The following ZNF638 variants were observed in gnomAD, a reference collection of about 807,000 sequenced individuals.
ZNF638 encodes the protein CTCL tumor antigen se33-1.
Under a neutral mutation model 195.6 loss-of-function variants are expected in ZNF638, and 46 were observed. That is an observed-to-expected ratio of 0.24 (90% confidence interval 0.19 to 0.30). ZNF638 has a LOEUF of 0.30. Ranked by LOEUF, ZNF638 falls within the 10% of genes least tolerant of loss-of-function variation. The pLI is 1.00. For missense variants in ZNF638, 2,440 were observed against 2,325.3 expected (o/e 1.05, Z -1.01); for synonymous variants, 845 against 772.0 (o/e 1.09, Z -1.57).
chr2:71,366,437 T>G (rs926899683), intron 6 of ZNF638, among the ~76,000 whole-genome samples: 7 of 152,252 alleles, frequency 4.6e-5, no homozygotes, highest in African/African-American at 1.7e-4. Flanking sequence ...TGAGTTTTGT[T>G]ACATGATTTT....
At chr2:71,379,026 A>G (rs1243198623) in intron 8 of ZNF638, among the ~76,000 whole-genome samples, 1 of 152,094 alleles carries the variant, frequency 6.6e-6, no homozygotes, top group Non-Finnish European at 1.5e-5. Flanking sequence ...AGAGGTTTTG[A>G]GTTGTGGAAC....
At position 71,354,944 on chromosome 2, in the gene ZNF638, G is replaced by C. The variant is rs375269879; in HGVS notation, c.1318-775G>C. 4.0e-5 allele frequency among the ~76,000 whole-genome samples: 6 copies of C among 151,892 alleles called. No homozygotes were observed. In the South Asian group the frequency reaches 8.3e-4, roughly 21 times the overall value. On this transcript the variant is annotated intron_variant, in intron 2 of 27. Coordinates refer to ENST00000264447, the MANE Select transcript of ZNF638 (RefSeq NM_014497.5). ...GTATGGAATGGTACTGGTCTATCAG[G>C]TAGCATTTTTATTTTATTTTTATTT...
At chr2:71,367,662 A>T (rs1007877006) in intron 6 of ZNF638, among the ~76,000 whole-genome samples, 6 of 151,370 alleles carry the variant, frequency 4.0e-5, no homozygotes, top group Admixed American at 1.3e-4. Flanking sequence ...GCTGGTCTCG[A>T]ACACCTGACC....
chr2:71,332,777 A>G (rs369232289), intron 1 of ZNF638: 1 of 152,338 alleles, frequency 6.6e-6, no homozygotes, highest in African/African-American at 2.4e-5. Flanking sequence ...ATTGAGCTAT[A>G]GAGTGAAGGC....
intron 10 of ZNF638, among the ~76,000 whole-genome samples, chr2:71,391,705 T>C (rs2079781892): frequency 6.6e-6 from 1 of 152,180 alleles, no homozygotes; most frequent in Non-Finnish European, 1.5e-5. Context: ...TTATCAAAAA[T>C]TACTGGGTGA....
chr2:71,434,804 G>GTGAT lies in ZNF638; in HGVS notation c.5937_*3dup. On this transcript the variant is annotated frameshift_variant and stop_retained_variant, in exon 28 of 28. Transcript: ENST00000264447. LOFTEE classifies it high-confidence loss of function. ...ATGAGGCTGAAGAAAGAAGCTCTAG[G>GTGAT]TGATTGGGGGAAAGGAAAGAATTCA... 6.2e-7 allele frequency: 1 copy of GTGAT among 1,602,018 alleles called. No individual in the cohort carries two copies. The highest frequency in any genetic ancestry group is 8.5e-7 in the Non-Finnish European group (1 of 1,176,130).
chr2:71,352,495 T>TAAAAAAAAAA (rs58110916), intron 2 of ZNF638, among the ~76,000 whole-genome samples: 3 of 134,630 alleles, frequency 2.2e-5, no homozygotes, highest in Non-Finnish European at 4.8e-5. Flanking sequence ...ATAAAAAAAA[T>TAAAAAAAAAA]AAAAAAAAAA....
chr2:71,341,265 A>G (rs548939201), intron 1 of ZNF638, among the ~76,000 whole-genome samples: 18 of 152,340 alleles, frequency 1.2e-4, no homozygotes, highest in Non-Finnish European at 2.5e-4. Flanking sequence ...CTTGTTTTAC[A>G]GTGGTATGTT....
chr2:71,398,244 G>A (rs1032042703), intron 11 of ZNF638, among the ~76,000 whole-genome samples: 1 of 152,098 alleles, frequency 6.6e-6, no homozygotes, highest in Non-Finnish European at 1.5e-5. Flanking sequence ...ATATCTGGGG[G>A]ATGGGAGCCA....
intron 10 of ZNF638, among the ~76,000 whole-genome samples, chr2:71,382,594 A>C (rs1573086734): frequency 6.6e-6 from 1 of 152,228 alleles, no homozygotes. Flanking sequence ...AAAGAAAAAT[A>C]GTAATTACTG....
rs747480655 is a variant in ZNF638 at position 71,348,855 on chromosome 2, G to A, written c.-100G>A. On this transcript the variant is annotated 5_prime_UTR_variant, in exon 2 of 28. Transcript: ENST00000264447. Reference sequence around the variant, plus strand: ...GCCCATCTCCTTTGCACTTTGCTCAGATTAAGACTCAGTTGGCGCTTCAGC... The same window carrying A: ...GCCCATCTCCTTTGCACTTTGCTCAAATTAAGACTCAGTTGGCGCTTCAGC... 1.9e-6 allele frequency: 3 copies of A among 1,611,184 alleles called. No homozygotes were observed. Among genetic ancestry groups the A allele is most frequent in the African/African-American group, 1.3e-5 (1 of 74,912 alleles).
intron 16 of ZNF638, 125 bp downstream of exon 16, chr2:71,402,212 G>T: frequency 1.0e-6 from 1 of 1,003,748 alleles, no homozygotes; most frequent in Non-Finnish European, 1.4e-6. Flanking sequence ...TCAAGCTAAG[G>T]GATTTTAAAA....
At chr2:71,335,974 C>T (rs2458560) in intron 1 of ZNF638, among the ~76,000 whole-genome samples, 1 of 152,172 alleles carries the variant, frequency 6.6e-6, no homozygotes, top group African/African-American at 2.4e-5. Flanking sequence ...CCTACCTTTT[C>T]TTAGAGTTTA....
At chr2:71,370,802 C>T (rs1362282252) in intron 8 of ZNF638, among the ~76,000 whole-genome samples, 2 of 151,938 alleles carry the variant, frequency 1.3e-5, no homozygotes, top group African/African-American at 2.4e-5. Flanking sequence ...GATATCTGTC[C>T]CCTCCAACAT....
chr2:71,332,137 G>C (rs1202328636), intron 1 of ZNF638, among the ~76,000 whole-genome samples: 1 of 152,230 alleles, frequency 6.6e-6, no homozygotes, highest in Non-Finnish European at 1.5e-5. Context: ...ACTCGTGAAG[G>C]ACCCTGCCTC....
chr2:71,395,774 T>C (rs1166232625), intron 10 of ZNF638: 4 of 387,978 alleles, frequency 1.0e-5, no homozygotes, highest in African/African-American at 2.1e-5. Context: ...CTGTGTACTT[T>C]TTTCATCCGT....
chr2:71,424,735 C>T lies in ZNF638; in HGVS notation c.4590+20C>T, dbSNP rs369315673. The stretch of plus-strand genomic sequence containing the variant: ...AAAGAGGTAAAAAATAGATCACAGA[C>T]CCTAACCCTTCTTTTTCATCTCCAT... On this transcript the variant is annotated intron_variant, in intron 23 of 27. Coordinates refer to ENST00000264447, the MANE Select transcript of ZNF638 (RefSeq NM_014497.5). The T allele has an allele frequency of 5.0e-6, 8 of 1,587,990 alleles. No individual in the cohort carries two copies. The South Asian group carries it at 5.6e-5, about 11-fold the overall frequency.
At position 71,348,902 on chromosome 2, in the gene ZNF638, A is replaced by G. The variant is rs1301384155; in HGVS notation, c.-53A>G. On this transcript the variant is annotated 5_prime_UTR_variant, in exon 2 of 28. The change abolishes an upstream ATG in the 5' untranslated region. Transcript: ENST00000264447. Reference sequence around the variant, plus strand: ...CAGCAGCTGAATGCCGTTGCCTCACATGGTTCAACACCACCTTATACTTTA... The same window carrying G: ...CAGCAGCTGAATGCCGTTGCCTCACGTGGTTCAACACCACCTTATACTTTA... The G allele has an allele frequency of 3.1e-6, 5 of 1,614,054 alleles. No individual in the cohort carries two copies. The East Asian group carries it at 6.7e-5, about 22-fold the overall frequency.
At position 71,349,479 on chromosome 2, in the gene ZNF638, G is replaced by A. The variant is rs2078905955; in HGVS notation, c.525G>A (p.Arg175=). ...LTPENMPLIL[R]DIRMRKMGRR... is the part of the protein sequence containing the mutation. Reference sequence around the variant, plus strand: ...CTGAAAATATGCCATTAATTTTGAGGGATATAAGAATGCGAAAAATGGGGC... The same window carrying A: ...CTGAAAATATGCCATTAATTTTGAGAGATATAAGAATGCGAAAAATGGGGC... The change falls in exon 2 of 28, where the codon AGG becomes AGA. Residue 175 remains arginine, a synonymous_variant. Coordinates refer to ENST00000264447, the MANE Select transcript of ZNF638 (RefSeq NM_014497.5). 2.5e-6 allele frequency: 4 copies of A among 1,613,938 alleles called. No homozygotes were observed. Among genetic ancestry groups the A allele is most frequent in the African/African-American group, 1.3e-5 (1 of 74,886 alleles).
Sources: allele counts gnomAD v4.1 joint callset (sites outside exome capture counted in the v4.1 genomes callset), GRCh38; gene constraint gnomAD v4.1.1; transcripts MANE v1.5; gene names NCBI Gene and HGNC (gene_info 2026-07-23, HGNC 2026-07-21).